The following RNASE9 variants were observed in gnomAD, a reference collection of about 807,000 sequenced individuals.
The protein encoded by RNASE9 is ribonuclease A family member 9 (inactive).
For missense variants in RNASE9, 263 were observed against 247.1 expected (o/e 1.06, Z -0.43); for synonymous variants, 95 against 87.6 (o/e 1.08, Z -0.47).
chr14:20,558,235 AAC>A, exon 3 of RNASE9: 1 of 493,418 alleles, frequency 2.0e-6, no homozygotes. Flanking sequence ...GTGATTCTCT[AAC>A]AGTCATTACC....
rs1883791550 is a variant in RNASE9 at position 20,558,231 on chromosome 14, C to T, written c.-1162G>A. 6 of 485,498 alleles carry T rather than the reference C, an allele frequency of 1.2e-5. No individual in the cohort carries two copies. The South Asian group carries it at 1.3e-4, about 10-fold the overall frequency. 30.1% of individuals were successfully genotyped at this position (485,498 alleles called of 1,614,324 possible). A position where few individuals can be genotyped will look rare whatever the true frequency, so the allele number is the denominator to read the frequency against. The stretch of plus-strand genomic sequence containing the variant: ...CTACTTGGTGGCAACCTGAGTGATT[C>T]TCTAACAGTCATTACCTGGAGACCT... On this transcript the variant is annotated 5_prime_UTR_variant, in exon 3 of 3. Transcript: ENST00000555230.
At chr14:20,558,202 A>C (rs1883789914) in exon 3 of RNASE9, 1 of 401,264 alleles carries the variant, frequency 2.5e-6, no homozygotes, top group East Asian at 4.4e-5. Flanking sequence ...TTGTAAAAGA[A>C]GTCCTACTTG....
chr14:20,558,434 A>C, exon 3 of RNASE9: 3 of 767,010 alleles, frequency 3.9e-6, no homozygotes, highest in Non-Finnish European at 4.6e-6. Context: ...GGGAAAGAAA[A>C]GAAAAAGTTG....
exon 3 of RNASE9, chr14:20,558,469 G>T: frequency 9.5e-7 from 1 of 1,050,054 alleles, no homozygotes; most frequent in Non-Finnish European, 1.5e-6. Flanking sequence ...GTGAGAATGG[G>T]CACTCTGGGG....
chr14:20,559,831 T>C (rs768164876), intron 1 of RNASE9, among the ~76,000 whole-genome samples, 198 bp from the exon 2 acceptor site: 4 of 152,236 alleles, frequency 2.6e-5, no homozygotes, highest in Non-Finnish European at 5.9e-5. Context: ...CTTCCTCCTT[T>C]TGGCTATTGT....
At chr14:20,560,273 C>T (rs1301512093) in intron 1 of RNASE9, 1 of 151,728 alleles carries the variant, frequency 6.6e-6, no homozygotes, top group Admixed American at 6.6e-5. Context: ...AATTATATAG[C>T]CTCAATCACA....
At chr14:20,558,798 T>G (rs879087507) in intron 2 of RNASE9, 1 of 574,170 alleles carries the variant, frequency 1.7e-6, no homozygotes, top group Non-Finnish European at 3.2e-6. Context: ...TCTTGATTTA[T>G]GAATTCAACT....
At chr14:20,558,513 C>G (rs1051798626) in exon 3 of RNASE9, 2 of 1,502,770 alleles carry the variant, frequency 1.3e-6, no homozygotes, top group African/African-American at 2.8e-5. Context: ...CCCCTCCCTG[C>G]TTTTCCTCCC....
chr14:20,558,692 C>A, intron 2 of RNASE9: 1 of 1,083,426 alleles, frequency 9.2e-7, no homozygotes, highest in South Asian at 1.3e-5. Context: ...AAGCAGAATT[C>A]AGGCAGCTGT....
At chr14:20,556,637 T>A in exon 3 of RNASE9, 1 of 1,613,508 alleles carries the variant, frequency 6.2e-7, no homozygotes, top group Non-Finnish European at 8.5e-7. Flanking sequence ...AATGCTTCTG[T>A]TAAATTACAA....
At chr14:20,558,647 T>C in exon 3 of RNASE9, 3 of 1,469,500 alleles carry the variant, frequency 2.0e-6, no homozygotes, top group Non-Finnish European at 2.8e-6. Context: ...TGCAACATCT[T>C]GATCTGGAGA....
chr14:20,557,257 T>G lies in RNASE9; in HGVS notation c.-188A>C. 5.0e-6 allele frequency: 3 copies of G among 605,620 alleles called. No individual in the cohort carries two copies. The East Asian group carries it at 8.3e-5, about 17-fold the overall frequency. 37.5% of individuals were successfully genotyped at this position (605,620 alleles called of 1,614,324 possible). A position where few individuals can be genotyped will look rare whatever the true frequency, so the allele number is the denominator to read the frequency against. On this transcript the variant is annotated 5_prime_UTR_variant, in exon 3 of 3. Coordinates refer to ENST00000555230, the Ensembl canonical transcript of RNASE9. Reference sequence around the variant, plus strand: ...TCTAAATTATTGACAAAAATGACCTTACTAGGCCTACAGTCAGTCTAGAGC... The same window carrying G: ...TCTAAATTATTGACAAAAATGACCTGACTAGGCCTACAGTCAGTCTAGAGC...
rs112306131 is a variant in RNASE9, at chr14:20,557,259, C to T, written c.-190G>A. ...TAAATTATTGACAAAAATGACCTTA[C>T]TAGGCCTACAGTCAGTCTAGAGCTG... On this transcript the variant is annotated 5_prime_UTR_variant, in exon 3 of 3. Transcript: ENST00000555230. The T allele has an allele frequency of 4.2e-3, 2,513 of 605,096 alleles. 45 individuals are homozygous for T. Among genetic ancestry groups the T allele is most frequent in the African/African-American group, 0.041 (2,210 of 54,106 alleles). The allele number at this position is 605,096 out of a possible 1,614,324, so 37.5% of individuals were successfully genotyped here.
chr14:20,557,305 AAAGG>A, exon 3 of RNASE9: 1 of 453,822 alleles, frequency 2.2e-6, no homozygotes, highest in Non-Finnish European at 3.9e-6. Flanking sequence ...AGAAAAGGTG[AAAGG>A]AAGGAGAATG....
rs1883791385 is a variant in RNASE9 at position 20,558,229 on chromosome 14, TTCTC to T, written c.-1164_-1161del. 5 of 461,226 alleles carry T rather than the reference TTCTC, an allele frequency of 1.1e-5. No individual in the cohort carries two copies. The South Asian group carries it at 1.5e-4, about 14-fold the overall frequency. The allele number at this position is 461,226 out of a possible 1,614,324, so 28.6% of individuals were successfully genotyped here. A position where few individuals can be genotyped will look rare whatever the true frequency, so the allele number is the denominator to read the frequency against. On this transcript the variant is annotated 5_prime_UTR_variant, in exon 3 of 3. Transcript: ENST00000555230. ...TCCTACTTGGTGGCAACCTGAGTGA[TTCTC>T]TAACAGTCATTACCTGGAGACCTTG...
chr14:20,557,619 G>A (rs1883760378), exon 3 of RNASE9: 1 of 153,222 alleles, frequency 6.5e-6, no homozygotes, highest in Admixed American at 6.5e-5. Flanking sequence ...TTTGACCATA[G>A]ATGCCCTTGG....
chr14:20,557,151 A>G, exon 3 of RNASE9: 1 of 1,429,314 alleles, frequency 7.0e-7, no homozygotes, highest in Non-Finnish European at 9.5e-7. Context: ...TGTGGGGCAC[A>G]GTTATGCCAC....
At chr14:20,556,374 C>T (rs1410325334) in exon 3 of RNASE9, 2 of 1,100,136 alleles carry the variant, frequency 1.8e-6, no homozygotes, top group East Asian at 4.7e-5. Context: ...AGCAAAATTA[C>T]CATTCTCAAC....
chr14:20,557,019 C>A (rs373988196), exon 3 of RNASE9: 21 of 1,613,098 alleles, frequency 1.3e-5, no homozygotes, highest in Non-Finnish European at 1.5e-5. Context: ...GCAGCTGCTG[C>A]GGCAATAGAA....
Sources: allele counts gnomAD v4.1 joint callset (sites outside exome capture counted in the v4.1 genomes callset), GRCh38; gene constraint gnomAD v4.1.1; transcripts MANE v1.5; gene names NCBI Gene and HGNC (gene_info 2026-07-23, HGNC 2026-07-21).